PRKG1: variants seen among roughly 807,000 people sequenced by gnomAD.
PRKG1 encodes the protein cGMP-dependent protein kinase 1.
PRKG1 carries 35 observed loss-of-function variants against 88.1 expected under a neutral mutation model. The observed-to-expected ratio is 0.40, with a 90% confidence interval of 0.30 to 0.53. The LOEUF (loss-of-function observed/expected upper bound fraction) is 0.53. Ranked by LOEUF, PRKG1 falls within the 20% of genes least tolerant of loss-of-function variation. The pLI, the probability that PRKG1 is intolerant of heterozygous loss-of-function variation, is 0.59. For missense variants in PRKG1, 540 were observed against 839.8 expected (o/e 0.64, Z 4.41); for synonymous variants, 303 against 292.5 (o/e 1.04, Z -0.37).
chr10:51,884,025 C>CA (rs11346256), intron 4 of PRKG1, among the ~76,000 whole-genome samples: 60 of 106,050 alleles, frequency 5.7e-4, no homozygotes, highest in South Asian at 1.7e-3. Context: ...TTTTATTTTT[C>CA]AAAAAAAAAA....
At chr10:51,138,059 T>C (rs549949565) in intron 1 of PRKG1, among the ~76,000 whole-genome samples, 1 of 152,270 alleles carries the variant, frequency 6.6e-6, no homozygotes, top group African/African-American at 2.4e-5. Context: ...AGTATTTACT[T>C]TTTACTTGTA....
At chr10:51,069,395 T>C (rs1039635656) in intron 1 of PRKG1, among the ~76,000 whole-genome samples, 5 of 151,992 alleles carry the variant, frequency 3.3e-5, no homozygotes, top group Non-Finnish European at 7.4e-5. Context: ...ACTAGTTCTA[T>C]AGGAATTAAT....
intron 1 of PRKG1, among the ~76,000 whole-genome samples, chr10:51,087,032 C>T (rs537378142): frequency 9.9e-5 from 15 of 152,154 alleles, no homozygotes; most frequent in Non-Finnish European, 1.6e-4. Context: ...GTTTTTAAAT[C>T]GTCTCTGACA....
intron 9 of PRKG1, among the ~76,000 whole-genome samples, chr10:52,185,515 C>G (rs1358646303): frequency 6.6e-6 from 1 of 152,064 alleles, no homozygotes. Context: ...GTGGCTGTAC[C>G]CTTCTGGGAT....
intron 2 of PRKG1, among the ~76,000 whole-genome samples, chr10:51,204,808 A>AT (rs1469675533): frequency 6.6e-6 from 1 of 152,026 alleles, no homozygotes; most frequent in Admixed American, 6.6e-5. Context: ...TTTCAGTTTG[A>AT]TTTTATCAGT....
intron 4 of PRKG1, among the ~76,000 whole-genome samples, chr10:51,864,708 C>T (rs80071126): frequency 0.089 from 13,500 of 152,140 alleles, 744 homozygotes; most frequent in African/African-American, 0.14. Context: ...GTTTATATTT[C>T]TAGCAACAAT....
chr10:51,512,115 G>A (rs1473161027), intron 3 of PRKG1, among the ~76,000 whole-genome samples: 3 of 150,958 alleles, frequency 2.0e-5, no homozygotes, highest in African/African-American at 7.3e-5. Flanking sequence ...TTTTCTTTGG[G>A]AAAGAGGGTG....
chr10:51,393,389 G>A (rs1837491986), intron 2 of PRKG1, among the ~76,000 whole-genome samples: 1 of 149,672 alleles, frequency 6.7e-6, no homozygotes, highest in Non-Finnish European at 1.5e-5. Context: ...GGGCAGCCAG[G>A]CAGAGGGACT....
At chr10:52,062,397 C>A in intron 6 of PRKG1, 140 bp from the exon 7 acceptor site, 2 of 459,358 alleles carry the variant, frequency 4.4e-6, no homozygotes, top group Non-Finnish European at 7.5e-6. Context: ...GTTCTTTGGT[C>A]CTTTTGGTGG....
At chr10:51,610,422 A>T (rs1410052357) in intron 3 of PRKG1, among the ~76,000 whole-genome samples, 1 of 152,186 alleles carries the variant, frequency 6.6e-6, no homozygotes, top group Non-Finnish European at 1.5e-5. Flanking sequence ...TTCCCTTAAC[A>T]TAATGACCTC....
intron 2 of PRKG1, among the ~76,000 whole-genome samples, chr10:51,286,155 G>A (rs1342237377): frequency 1.3e-5 from 2 of 152,056 alleles, no homozygotes; most frequent in African/African-American, 4.8e-5. Context: ...ATTTTTAGTA[G>A]CAATGGGGTT....
intron 3 of PRKG1, among the ~76,000 whole-genome samples, chr10:51,798,289 T>C (rs1055421764): frequency 6.6e-6 from 1 of 152,016 alleles, no homozygotes; most frequent in African/African-American, 2.4e-5. Flanking sequence ...TTCCAATTTA[T>C]CCACATCGTC....
chr10:51,704,888 T>C (rs573579136), intron 3 of PRKG1, among the ~76,000 whole-genome samples: 1 of 152,314 alleles, frequency 6.6e-6, no homozygotes, highest in South Asian at 2.1e-4. Flanking sequence ...TGGCAGAGGC[T>C]TAAGAATACC....
At chr10:51,935,190 TC>T (rs1358825743) in intron 5 of PRKG1, among the ~76,000 whole-genome samples, 1 of 152,134 alleles carries the variant, frequency 6.6e-6, no homozygotes, top group Non-Finnish European at 1.5e-5. Context: ...GCCTCTCTAT[TC>T]TCAAGAGTAG....
chr10:51,497,769 A>T (rs1180766419), intron 3 of PRKG1, among the ~76,000 whole-genome samples: 1 of 152,158 alleles, frequency 6.6e-6, no homozygotes, highest in Non-Finnish European at 1.5e-5. Context: ...TCTAACTCTC[A>T]CGGGACTTAT....
intron 2 of PRKG1, among the ~76,000 whole-genome samples, chr10:51,219,610 TGA>T (rs1439694555): frequency 6.6e-6 from 1 of 151,606 alleles, no homozygotes; most frequent in Non-Finnish European, 1.5e-5. Flanking sequence ...CTCAGGAGGC[TGA>T]GACACGAGAA....
intron 1 of PRKG1, among the ~76,000 whole-genome samples, chr10:51,103,928 A>G (rs182447389): frequency 8.5e-5 from 13 of 152,336 alleles, no homozygotes; most frequent in South Asian, 2.1e-4. Context: ...GAAAAGGACA[A>G]TTACTCATAA....
At position 51,611,577 on chromosome 10, in the gene PRKG1, G is replaced by C. The variant is rs961107006; in HGVS notation, c.592+143741G>C. Among the ~76,000 whole-genome samples, 6 of 151,238 alleles carry C rather than the reference G, an allele frequency of 4.0e-5. No homozygotes were observed. In the East Asian group the frequency reaches 1.2e-3, roughly 29 times the overall value. ...GCATATATTTTCTCCGTTTCAAGAG[G>C]TTGCCCCTTTACTCTGTTGATTGGT... On this transcript the variant is annotated intron_variant, in intron 3 of 17. Coordinates refer to ENST00000373980, the MANE Select transcript of PRKG1 (RefSeq NM_006258.4).
intron 2 of PRKG1, among the ~76,000 whole-genome samples, chr10:51,211,531 T>C (rs1406489437): frequency 6.6e-6 from 1 of 152,210 alleles, no homozygotes; most frequent in African/African-American, 2.4e-5. Flanking sequence ...AAATTGTCCC[T>C]GTTTGCAGAT....
Sources: allele counts gnomAD v4.1 joint callset (sites outside exome capture counted in the v4.1 genomes callset), GRCh38; gene constraint gnomAD v4.1.1; transcripts MANE v1.5; gene names NCBI Gene and HGNC (gene_info 2026-07-23, HGNC 2026-07-21).